Variants in PARP4 observed in about 807,000 individuals in gnomAD.
PARP4 encodes poly(ADP-ribose) polymerase family member 4.
PARP4 carries 120 observed loss-of-function variants against 187.7 expected under a neutral mutation model. The observed-to-expected ratio is 0.64, with a 90% confidence interval of 0.55 to 0.74. The LOEUF (loss-of-function observed/expected upper bound fraction) is 0.74, where lower values mean the gene tolerates loss of function less well. PARP4 is among the 30% of genes least tolerant of loss of function. The probability of loss-of-function intolerance (pLI) is 0.00; values close to 1 mark genes in which losing one functional copy is unlikely to be tolerated. For missense variants in PARP4, 1,836 were observed against 2,070.5 expected (o/e 0.89, Z 2.20); for synonymous variants, 654 against 740.9 (o/e 0.88, Z 1.90).
intron 16 of PARP4, among the ~76,000 whole-genome samples, chr13:24,469,608 C>T (rs1872644299): frequency 6.6e-6 from 1 of 152,174 alleles, no homozygotes; most frequent in South Asian, 2.1e-4. Context: ...CTGCACCCGG[C>T]CCTCTTTAAC....
chr13:24,474,116 G>C (rs1295157263), intron 15 of PARP4, among the ~76,000 whole-genome samples: 2 of 152,134 alleles, frequency 1.3e-5, no homozygotes, highest in African/African-American at 4.8e-5. Context: ...GACCATTCTA[G>C]TAAGTGCAAA....
intron 1 of PARP4, among the ~76,000 whole-genome samples, chr13:24,508,156 G>A (rs1032411641): frequency 1.3e-5 from 2 of 151,550 alleles, no homozygotes; most frequent in Admixed American, 1.3e-4. Context: ...TATGCTAGTC[G>A]TAATCTCTGA....
intron 20 of PARP4, among the ~76,000 whole-genome samples, chr13:24,457,790 AAAAAAAG>A (rs2137479423): frequency 7.2e-6 from 1 of 138,964 alleles, no homozygotes; most frequent in East Asian, 2.0e-4. Flanking sequence ...AAAAAAAAAA[AAAAAAAG>A]AAAAAAGAAA....
chr13:24,492,576 TC>T lies in PARP4; in HGVS notation c.897del (p.Ile300PhefsTer4). The T allele has an allele frequency of 6.2e-7, 1 of 1,613,960 alleles. No individual in the cohort carries two copies. Among genetic ancestry groups the T allele is most frequent in the Non-Finnish European group, 8.5e-7 (1 of 1,179,874 alleles). ...ISLNDVSKAE[G>X]ILLLVKAALK... ...AGTGCTGCCTTTACTAGAAGGAGAATCCCCTCTGCCTTGCTCACCTTTCAAC... is the reference window on the plus strand; with the variant it reads ...AGTGCTGCCTTTACTAGAAGGAGAATCCCTCTGCCTTGCTCACCTTTCAAC... On this transcript the variant is annotated frameshift_variant, in exon 9 of 34. Transcript: ENST00000381989. LOFTEE classifies it high-confidence loss of function.
intron 27 of PARP4, 73 bp from the exon 28 acceptor site, chr13:24,443,803 T>C (rs1323967886): frequency 3.8e-6 from 4 of 1,044,984 alleles, no homozygotes; most frequent in Admixed American, 1.8e-5. Flanking sequence ...AACATCATTT[T>C]AAAAATGGAG....
At chr13:24,424,855 T>C (rs1384941849) in intron 33 of PARP4, among the ~76,000 whole-genome samples, 1 of 149,252 alleles carries the variant, frequency 6.7e-6, no homozygotes, top group Non-Finnish European at 1.5e-5. Flanking sequence ...TTTTTTTTTG[T>C]ATTTTTTTTA....
chr13:24,429,641 G>A (rs573532512), intron 32 of PARP4, among the ~76,000 whole-genome samples: 6 of 152,158 alleles, frequency 3.9e-5, no homozygotes, highest in Non-Finnish European at 8.8e-5. Context: ...GGTGCCACTT[G>A]AACTCTAAAC....
chr13:24,430,851 G>A (rs1290095267), intron 32 of PARP4, among the ~76,000 whole-genome samples: 2 of 152,268 alleles, frequency 1.3e-5, no homozygotes, highest in African/African-American at 4.8e-5. Context: ...TCCTGGACAC[G>A]CAGCTTAACA....
intron 5 of PARP4, 71 bp from the exon 6 acceptor site, chr13:24,498,300 T>C (rs1869073571): frequency 9.8e-6 from 8 of 816,582 alleles, no homozygotes; most frequent in African/African-American, 1.7e-5. Flanking sequence ...TTTGAAAATG[T>C]TGATTATAAT....
intron 22 of PARP4, among the ~76,000 whole-genome samples, chr13:24,454,055 C>A (rs1871681702): frequency 6.6e-6 from 1 of 151,386 alleles, no homozygotes; most frequent in South Asian, 2.1e-4. Context: ...TGAGATCGCA[C>A]CACCGCACTC....
Position 24,435,011 on chromosome 13 carries a change from A to G in PARP4, c.4130T>C (p.Ile1377Thr). ...TGTGGGACAAGACGCCGACTGTGGG[A>G]TCCAGTCAGCACAAGTGCCAGGCAC... is the stretch of plus-strand genomic sequence containing the variant. The part of the protein sequence containing the change: ...GPVPGTCADW[I>T]PQSASCPTGP... Residue 1377 changes from isoleucine (I) to threonine (T), a missense_variant, in exon 31 of 34, where the codon ATC becomes ACC. This residue lies in a region of PARP4 where 450 missense variants were observed against 439.2 expected (regional missense o/e 1.02). Coordinates refer to ENST00000381989, the MANE Select transcript of PARP4 (RefSeq NM_006437.4). The G allele has an allele frequency of 6.2e-7, 1 of 1,613,924 alleles. No homozygotes were observed. Among genetic ancestry groups the G allele is most frequent in the East Asian group, 2.2e-5 (1 of 44,870 alleles).
Position 24,431,491 on chromosome 13 carries a change from A to G in PARP4, c.4747-15T>C, listed in dbSNP as rs1428407906. The stretch of plus-strand genomic sequence containing the variant: ...CAGAAGCCATCCTACAAAATTAAGG[A>G]AACAAAAATAAGTTATGTTATTCAC... On this transcript the variant is annotated splice_polypyrimidine_tract_variant and intron_variant, in intron 31 of 33. Transcript: ENST00000381989. 6.8e-7 allele frequency: 1 copy of G among 1,476,568 alleles called. No homozygotes were observed. Among genetic ancestry groups the G allele is most frequent in the Non-Finnish European group, 9.4e-7 (1 of 1,065,472 alleles). 91.5% of individuals were successfully genotyped at this position (1,476,568 alleles called of 1,614,324 possible).
chr13:24,480,888 T>C (rs1342271488), intron 12 of PARP4, among the ~76,000 whole-genome samples: 2 of 152,254 alleles, frequency 1.3e-5, no homozygotes, highest in African/African-American at 4.8e-5. Flanking sequence ...AGATCATTGA[T>C]GCAGGTGGCT....
At chr13:24,493,833 G>A (rs1246115412) in intron 7 of PARP4, 100 bp from the exon 8 acceptor site, 12 of 1,170,412 alleles carry the variant, frequency 1.0e-5, no homozygotes, top group Non-Finnish European at 1.5e-5. Flanking sequence ...AGAAATAATT[G>A]ATTAGAGCCC....
intron 17 of PARP4, among the ~76,000 whole-genome samples, chr13:24,464,414 T>A (rs1566003583): frequency 1.3e-5 from 2 of 152,164 alleles, no homozygotes; most frequent in African/African-American, 4.8e-5. Context: ...AAGGCTACAG[T>A]AATCAAAACA....
At chr13:24,425,692 C>T (rs1486025503) in intron 33 of PARP4, among the ~76,000 whole-genome samples, 2 of 151,952 alleles carry the variant, frequency 1.3e-5, no homozygotes, top group Admixed American at 6.6e-5. Flanking sequence ...ATGCCCACCC[C>T]AGAGCCCATA....
chr13:24,442,328 A>G (rs9578733), intron 29 of PARP4, among the ~76,000 whole-genome samples: 1,871 of 151,998 alleles, frequency 0.012, 3 homozygotes, highest in African/African-American at 0.043. Context: ...TATAACCGAA[A>G]AGTACACATT....
Position 24,435,084 on chromosome 13 carries a change from C to T in PARP4, c.4057G>A (p.Ala1353Thr). 1.9e-6 allele frequency: 3 copies of T among 1,614,140 alleles called. No individual in the cohort carries two copies. The highest frequency in any genetic ancestry group is 2.5e-6 in the Non-Finnish European group (3 of 1,180,028). ...GCATCAAACTGTCTGGGAGGAGCAGCTGAACCGAAACTAGCTACCTGACGA... is the reference window on the plus strand; with the variant it reads ...GCATCAAACTGTCTGGGAGGAGCAGTTGAACCGAAACTAGCTACCTGACGA... ...SYRQVASFGSAAPPRQFDASQ... is the reference protein window; with the variant it reads ...SYRQVASFGSTAPPRQFDASQ... The change falls in exon 31 of 34, where the codon GCT becomes ACT. Residue 1353 changes from alanine to threonine, a missense_variant. Physicochemically the swap from Ala to Thr is moderately conservative, Grantham distance 58 (BLOSUM62 0). Around this residue, in one of 8 missense-constraint regions of PARP4, gnomAD observed 450 missense variants for 439.2 expected, o/e 1.02. Coordinates refer to ENST00000381989, the MANE Select transcript of PARP4 (RefSeq NM_006437.4).
In PARP4 at chr13:24,434,439, G is replaced by C; in HGVS notation, c.4702C>G (p.Gln1568Glu). The C allele has an allele frequency of 6.3e-7, 1 of 1,595,118 alleles. No homozygotes were observed. The highest frequency in any genetic ancestry group is 8.6e-7 in the Non-Finnish European group (1 of 1,167,882). ...EDEIVCIQHWQDAVPWTELLS... is the reference protein window; with the variant it reads ...EDEIVCIQHWEDAVPWTELLS... ...AGTTCTGTCCAAGGCACAGCATCCT[G>C]CCAGTGTTGTATGCACACTATTTCA... Residue 1568 changes from glutamine (Q) to glutamate (E), a missense_variant, in exon 31 of 34, where the codon CAG becomes GAG. Around this residue, in one of 8 missense-constraint regions of PARP4, gnomAD observed 450 missense variants for 439.2 expected, o/e 1.02. Coordinates refer to ENST00000381989, the MANE Select transcript of PARP4 (RefSeq NM_006437.4).
Sources: allele counts gnomAD v4.1 joint callset (sites outside exome capture counted in the v4.1 genomes callset), GRCh38; gene constraint gnomAD v4.1.1; regional missense constraint gnomAD v4.1.1; transcripts MANE v1.5; gene names NCBI Gene and HGNC (gene_info 2026-07-23, HGNC 2026-07-21).